The following ATOSA variants were observed in gnomAD, a reference collection of about 807,000 sequenced individuals.
ATOSA encodes the protein atos homolog A, also known as atos homolog protein A.
the ATOSA span, among the ~76,000 whole-genome samples, chr15:52,594,965 C>A: frequency 1.3e-5 from 2 of 152,310 alleles, no homozygotes; most frequent in Non-Finnish European, 2.9e-5. Flanking sequence ...CCTCTCATTT[C>A]ATCTCTCCCA....
chr15:52,590,430 T>C, the ATOSA span, among the ~76,000 whole-genome samples: 3 of 152,324 alleles, frequency 2.0e-5, no homozygotes, highest in African/African-American at 4.8e-5. Context: ...TTATATGGCT[T>C]TGAGTTAATC....
chr15:52,684,902 T>A, the ATOSA span, among the ~76,000 whole-genome samples: 1 of 152,180 alleles, frequency 6.6e-6, no homozygotes, highest in African/African-American at 2.4e-5. Context: ...CTAATGAGAA[T>A]TGAACCTACA....
the ATOSA span, among the ~76,000 whole-genome samples, chr15:52,655,375 T>C: frequency 1.3e-5 from 2 of 152,248 alleles, no homozygotes; most frequent in African/African-American, 2.4e-5. Context: ...TGCAAACAGA[T>C]AGCTGTTTTG....
At chr15:52,602,238 C>T in the ATOSA span, among the ~76,000 whole-genome samples, 2 of 152,264 alleles carry the variant, frequency 1.3e-5, no homozygotes, top group African/African-American at 4.8e-5. Context: ...TGTGTGTATA[C>T]ACTTCATGCA....
the ATOSA span, among the ~76,000 whole-genome samples, chr15:52,666,594 C>A: frequency 6.6e-6 from 1 of 152,222 alleles, no homozygotes; most frequent in African/African-American, 2.4e-5. Context: ...ACTAACAAAT[C>A]TCAGAAAAGA....
the ATOSA span, among the ~76,000 whole-genome samples, chr15:52,600,409 T>G: frequency 6.6e-6 from 1 of 152,140 alleles, no homozygotes; most frequent in Non-Finnish European, 1.5e-5. Context: ...CCCAAAGTGC[T>G]GGAGACTACA....
At chr15:52,582,458 G>A in the ATOSA span, among the ~76,000 whole-genome samples, 1 of 152,194 alleles carries the variant, frequency 6.6e-6, no homozygotes, top group Admixed American at 6.5e-5. Context: ...TCTTTCTAAA[G>A]ACCAAAGCAT....
chr15:52,601,145 T>C, the ATOSA span: 12 of 1,544,728 alleles, frequency 7.8e-6, no homozygotes, highest in African/African-American at 9.6e-5. Flanking sequence ...AGCAACCTGA[T>C]TGTGTTTTTC....
At chr15:52,640,454 C>T in the ATOSA span, among the ~76,000 whole-genome samples, 2 of 150,764 alleles carry the variant, frequency 1.3e-5, no homozygotes, top group African/African-American at 4.9e-5. Flanking sequence ...TAATGTAACC[C>T]CAGCTACTTG....
the ATOSA span, among the ~76,000 whole-genome samples, chr15:52,693,946 T>C: frequency 2.0e-5 from 3 of 152,168 alleles, no homozygotes; most frequent in African/African-American, 7.2e-5. Context: ...TAAATTGTTC[T>C]CTCTCATACC....
At chr15:52,617,075 G>C in the ATOSA span, among the ~76,000 whole-genome samples, 17 of 152,316 alleles carry the variant, frequency 1.1e-4, no homozygotes, top group Middle Eastern at 6.8e-3. Flanking sequence ...GAATTATTGA[G>C]TGATGGGCTG....
chr15:52,620,012 T>G, the ATOSA span, among the ~76,000 whole-genome samples: 1 of 152,160 alleles, frequency 6.6e-6, no homozygotes, highest in East Asian at 1.9e-4. Flanking sequence ...CAATGAGGAT[T>G]GTGCTTGCAC....
the ATOSA span, among the ~76,000 whole-genome samples, chr15:52,629,202 C>T: frequency 1.1e-4 from 16 of 152,010 alleles, no homozygotes; most frequent in Non-Finnish European, 1.5e-4. Flanking sequence ...CATATAAAGA[C>T]GTTTTAAGAG....
At chr15:52,684,901 A>G in the ATOSA span, among the ~76,000 whole-genome samples, 1 of 152,216 alleles carries the variant, frequency 6.6e-6, no homozygotes, top group Non-Finnish European at 1.5e-5. Flanking sequence ...TCTAATGAGA[A>G]TTGAACCTAC....
At chr15:52,649,391 G>C in the ATOSA span, 1 of 152,020 alleles carries the variant, frequency 6.6e-6, no homozygotes, top group Non-Finnish European at 1.5e-5. Context: ...AACACTTAGA[G>C]AAAAAGAAAA....
the ATOSA span, chr15:52,608,663 C>A: frequency 6.2e-7 from 1 of 1,611,966 alleles, no homozygotes; most frequent in Non-Finnish European, 8.5e-7. Context: ...TTAGTTGGAT[C>A]TTCTTGCTTA....
At chr15:52,645,259 T>C in the ATOSA span, among the ~76,000 whole-genome samples, 1 of 152,088 alleles carries the variant, frequency 6.6e-6, no homozygotes, top group Non-Finnish European at 1.5e-5. Context: ...GCGAACATGG[T>C]GAAACCCCAT....
chr15:52,587,920 G>C, the ATOSA span, among the ~76,000 whole-genome samples: 5 of 152,086 alleles, frequency 3.3e-5, no homozygotes, highest in South Asian at 8.3e-4. Context: ...TATTATTAAG[G>C]TATTTTGATT....
At chr15:52,596,861 G>A in the ATOSA span, among the ~76,000 whole-genome samples, 1 of 152,090 alleles carries the variant, frequency 6.6e-6, no homozygotes, top group African/African-American at 2.4e-5. Flanking sequence ...CTCTTGTAAA[G>A]ACACTATCAC....
Sources: gnomAD v4.1 joint callset for allele counts (sites outside exome capture counted in the v4.1 genomes callset) on GRCh38, gnomAD v4.1.1 for gene constraint, MANE v1.5 for transcripts, NCBI Gene and HGNC (gene_info 2026-07-23, HGNC 2026-07-21) for gene names.